Variants in NCAM2 observed in about 807,000 individuals in gnomAD.
The protein encoded by NCAM2 is N-CAM-2.
Under a neutral mutation model 98.1 loss-of-function variants are expected in NCAM2, and 30 were observed. That is an observed-to-expected ratio of 0.31 (90% CI 0.23 to 0.41). The LOEUF is 0.41. Among genes scored for constraint, NCAM2 ranks in the 10% least tolerant of loss-of-function variants. The pLI, the probability that NCAM2 is intolerant of heterozygous loss-of-function variation, is 1.00. For synonymous variants in NCAM2, 368 were observed against 342.4 expected, an observed-to-expected ratio of 1.07 and a Z score of -0.83; for missense variants, 867 against 1,005.8, an observed-to-expected ratio of 0.86 and a Z score of 1.87.
rs180788912 is a variant in NCAM2 at position 21,257,783 on chromosome 21, A to G, written c.56-22795A>G. On this transcript the variant is annotated intron_variant, in intron 1 of 17. Coordinates refer to ENST00000400546, the MANE Select transcript of NCAM2 (RefSeq NM_004540.5). Reference sequence around the variant, plus strand: ...TTTTTAGTAGAGACAGGGTTTCACCATGTTGGCCAAGCTGCTCTCAAATTC... The same window carrying G: ...TTTTTAGTAGAGACAGGGTTTCACCGTGTTGGCCAAGCTGCTCTCAAATTC... 1.3e-3 allele frequency among the ~76,000 whole-genome samples: 193 copies of G among 152,186 alleles called. 3 individuals carry two copies. The East Asian group carries it at 0.034, about 27-fold the overall frequency.
chr21:21,123,269 C>T (rs963957924), intron 1 of NCAM2, among the ~76,000 whole-genome samples: 3 of 151,922 alleles, frequency 2.0e-5, no homozygotes, highest in Non-Finnish European at 4.4e-5. Context: ...GTGGCACGCA[C>T]CTGAGTCCCA....
At chr21:21,409,527 A>G (rs922088218) in intron 9 of NCAM2, among the ~76,000 whole-genome samples, 4 of 152,190 alleles carry the variant, frequency 2.6e-5, no homozygotes, top group Non-Finnish European at 4.4e-5. Context: ...AATTTATAGA[A>G]AAAGTGACTA....
At chr21:21,105,590 G>A (rs1237551631) in intron 1 of NCAM2, among the ~76,000 whole-genome samples, 1 of 152,020 alleles carries the variant, frequency 6.6e-6, no homozygotes, top group Non-Finnish European at 1.5e-5. Context: ...AAAAAAATGT[G>A]TTTTAAAGAT....
At chr21:21,139,256 G>GTT (rs1000547352) in intron 1 of NCAM2, among the ~76,000 whole-genome samples, 1 of 152,228 alleles carries the variant, frequency 6.6e-6, no homozygotes, top group Non-Finnish European at 1.5e-5. Flanking sequence ...ACCAGAAGCT[G>GTT]TAAGAGGCAA....
chr21:21,377,549 T>A (rs2148070721), intron 9 of NCAM2, among the ~76,000 whole-genome samples: 1 of 152,076 alleles, frequency 6.6e-6, no homozygotes, highest in South Asian at 2.1e-4. Context: ...CTTTTAAAAA[T>A]TTATCATTAG....
chr21:21,215,706 C>T (rs996721585), intron 1 of NCAM2, among the ~76,000 whole-genome samples: 3 of 151,722 alleles, frequency 2.0e-5, no homozygotes, highest in Non-Finnish European at 4.4e-5. Flanking sequence ...GCAGCCTAGG[C>T]GACAGAGCAA....
intron 9 of NCAM2, among the ~76,000 whole-genome samples, chr21:21,389,984 G>T (rs1487961911): frequency 6.6e-6 from 1 of 152,056 alleles, no homozygotes; most frequent in African/African-American, 2.4e-5. Context: ...CGAGTAGCTG[G>T]GACTACAGTC....
intron 1 of NCAM2, among the ~76,000 whole-genome samples, chr21:21,073,256 C>G (rs1457869135): frequency 6.6e-6 from 1 of 152,106 alleles, no homozygotes; most frequent in Non-Finnish European, 1.5e-5. Context: ...TTCACCAAGA[C>G]TTCCTTTTAA....
Position 21,007,241 on chromosome 21 carries a change from A to G in NCAM2, c.55+8623A>G, listed in dbSNP as rs57646429. 9.0e-4 allele frequency among the ~76,000 whole-genome samples: 137 copies of G among 152,240 alleles called. 3 individuals carry two copies. In the East Asian group the frequency reaches 0.024, roughly 26 times the overall value. Reference sequence around the variant, plus strand: ...GTTTGTTCTCAATATTAATGAGAGGACTTGGGGACATTTTTTCTATTATTG... The same window carrying G: ...GTTTGTTCTCAATATTAATGAGAGGGCTTGGGGACATTTTTTCTATTATTG... On this transcript the variant is annotated intron_variant, in intron 1 of 17. Coordinates refer to ENST00000400546, the MANE Select transcript of NCAM2 (RefSeq NM_004540.5).
chr21:21,367,112 A>G (rs889361714), intron 8 of NCAM2, among the ~76,000 whole-genome samples: 1 of 152,032 alleles, frequency 6.6e-6, no homozygotes, highest in Non-Finnish European at 1.5e-5. Context: ...AGAGCTTCAT[A>G]ATATAATTTG....
intron 1 of NCAM2, among the ~76,000 whole-genome samples, chr21:21,205,784 A>T (rs1416026052): frequency 6.6e-6 from 1 of 152,122 alleles, no homozygotes; most frequent in Non-Finnish European, 1.5e-5. Flanking sequence ...GCAAAGTCCA[A>T]GATTAGGTGT....
intron 10 of NCAM2, among the ~76,000 whole-genome samples, chr21:21,414,072 A>G (rs560750232): frequency 6.6e-6 from 1 of 152,342 alleles, no homozygotes; most frequent in Non-Finnish European, 1.5e-5. Context: ...CATCTTCAGC[A>G]GGAGTAAATT....
chr21:21,325,453 G>C, intron 6 of NCAM2, among the ~76,000 whole-genome samples: 1 of 152,086 alleles, frequency 6.6e-6, no homozygotes, highest in East Asian at 1.9e-4. Context: ...TTTAATATAG[G>C]ATGTAACAAT....
intron 5 of NCAM2, among the ~76,000 whole-genome samples, chr21:21,307,981 G>A (rs934148713): frequency 2.6e-5 from 4 of 151,926 alleles, no homozygotes; most frequent in African/African-American, 9.7e-5. Context: ...GATATTTAAT[G>A]TGTTCATAGA....
chr21:21,507,663 G>C (rs374511425), intron 15 of NCAM2, among the ~76,000 whole-genome samples: 135 of 151,568 alleles, frequency 8.9e-4, no homozygotes, highest in African/African-American at 3.2e-3. Flanking sequence ...GTGCAGTGGC[G>C]CCTGTAGTCT....
intron 14 of NCAM2, among the ~76,000 whole-genome samples, chr21:21,471,180 C>A (rs940680683): frequency 6.6e-6 from 1 of 151,844 alleles, no homozygotes; most frequent in Non-Finnish European, 1.5e-5. Context: ...TCGGATACAG[C>A]CATCCTGGCA....
chr21:21,052,149 CATT>C (rs2065122282), intron 1 of NCAM2, among the ~76,000 whole-genome samples: 1 of 109,934 alleles, frequency 9.1e-6, no homozygotes, highest in African/African-American at 3.8e-5. Flanking sequence ...TCATGATGGC[CATT>C]TTTTTTTTTT....
chr21:21,226,402 T>A (rs1601700493), intron 1 of NCAM2, among the ~76,000 whole-genome samples: 1 of 152,122 alleles, frequency 6.6e-6, no homozygotes, highest in Non-Finnish European at 1.5e-5. Context: ...TAGGTTGATA[T>A]TCATTACCTC....
intron 1 of NCAM2, among the ~76,000 whole-genome samples, chr21:21,049,802 C>T (rs184262008): frequency 1.7e-3 from 253 of 151,330 alleles, no homozygotes; most frequent in African/African-American, 5.7e-3. Flanking sequence ...ACCTGGGAGG[C>T]GGAGGTTGCA....
Sources: allele counts gnomAD v4.1 joint callset (sites outside exome capture counted in the v4.1 genomes callset), GRCh38; gene constraint gnomAD v4.1.1; transcripts MANE v1.5; gene names NCBI Gene and HGNC (gene_info 2026-07-23, HGNC 2026-07-21).